STK11: variants seen among roughly 807,000 people sequenced by gnomAD.
STK11 encodes serine/threonine-protein kinase STK11.
A neutral mutation model predicts 47.3 loss-of-function variants in STK11; 8 were observed. The observed-to-expected ratio is 0.17, with a 90% CI of 0.10 to 0.31. The LOEUF (loss-of-function observed/expected upper bound fraction) is 0.31, where lower values mean the gene tolerates loss of function less well. Ranked by LOEUF, STK11 falls within the 10% of genes least tolerant of loss-of-function variation. STK11 has a pLI of 1.00. For missense variants in STK11, 475 were observed against 605.0 expected (o/e 0.79, Z 2.25); for synonymous variants, 330 against 255.8 (o/e 1.29, Z -2.77).
At position 1,206,991 on chromosome 19, in the gene STK11, C is replaced by T. The variant is rs2145404772; in HGVS notation, c.78C>T (p.Ile26=). The change falls in exon 1 of 10, where the codon ATC becomes ATT. Residue 26 remains isoleucine (I), a synonymous_variant. Transcript: ENST00000326873. ...ELMSVGMDTF[I]HRIDSTEVIY... Reference sequence around the variant, plus strand: ...TGTCGGTGGGTATGGACACGTTCATCCACCGCATCGACTCCACCGAGGTCA... The same window carrying T: ...TGTCGGTGGGTATGGACACGTTCATTCACCGCATCGACTCCACCGAGGTCA... 6.2e-7 allele frequency: 1 copy of T among 1,613,164 alleles called. No individual in the cohort carries two copies. The highest frequency in any genetic ancestry group is 8.5e-7 in the Non-Finnish European group (1 of 1,179,680).
rs557674928 is a variant in STK11 at position 1,219,531 on chromosome 19, T to G, written c.464+118T>G. On this transcript the variant is annotated intron_variant, in intron 3 of 9. Transcript: ENST00000326873. The stretch of plus-strand genomic sequence containing the variant: ...ATTCATTGACATGAAGGCCCAAGTT[T>G]TTTTGTTTTTTTGTTTTTTTGTGTT... 9.1e-4 allele frequency: 850 copies of G among 937,804 alleles called. 2 individuals carry two copies. In the African/African-American group the frequency reaches 0.012, roughly 14 times the overall value. 58.1% of individuals were successfully genotyped at this position (937,804 alleles called of 1,614,324 possible).
At position 1,221,228 on chromosome 19, in the gene STK11, G is replaced by A. The variant is rs748112446; in HGVS notation, c.750G>A (p.Thr250=). ...CGAAATGAAGCTACAACATCACCAC[G>A]GGTCTGTACCCCTTCGAAGGGGACA... ...SAGVTLYNIT[T]GLYPFEGDNI... Residue 250 remains threonine (T), a synonymous_variant, in exon 6 of 10, where the codon ACG becomes ACA. Coordinates refer to ENST00000326873, the MANE Select transcript of STK11 (RefSeq NM_000455.5). 7 of 1,612,332 alleles carry A rather than the reference G, an allele frequency of 4.3e-6. No homozygotes were observed. The highest frequency in any genetic ancestry group is 4.5e-5 in the East Asian group (2 of 44,862).
chr19:1,222,141 G>T, intron 7 of STK11, 135 bp downstream of exon 7: 1 of 1,073,032 alleles, frequency 9.3e-7, no homozygotes, highest in Middle Eastern at 2.9e-4. Context: ...TGCAGCGCCC[G>T]CAGTTCTCGG....
intron 1 of STK11, among the ~76,000 whole-genome samples, chr19:1,214,341 T>C (rs1331737704): frequency 6.6e-6 from 1 of 152,210 alleles, no homozygotes; most frequent in Non-Finnish European, 1.5e-5. Context: ...TGGTCCCTTT[T>C]AATTAAACAG....
chr19:1,211,467 G>T (rs955177545), intron 1 of STK11, among the ~76,000 whole-genome samples: 3 of 152,122 alleles, frequency 2.0e-5, no homozygotes, highest in African/African-American at 4.8e-5. Context: ...TTCTGGGGGG[G>T]GGGGTGCAGG....
At chr19:1,224,286 G>T in intron 8 of STK11, 1 of 985,350 alleles carries the variant, frequency 1.0e-6, no homozygotes, top group South Asian at 4.7e-5. Context: ...AGGATCACAG[G>T]GTCTCAGCTC....
In STK11 at chr19:1,228,196, T is replaced by C; in HGVS notation, c.*620T>C. On this transcript the variant is annotated 3_prime_UTR_variant, in exon 10 of 10. Coordinates refer to ENST00000326873, the MANE Select transcript of STK11 (RefSeq NM_000455.5). The stretch of plus-strand genomic sequence containing the variant: ...CTTTGCGCTCTCGGGTCACCCTGCT[T>C]TGGCGGCCCGGCCGGAGGGCAGGAC... 7 of 1,011,272 alleles carry C rather than the reference T, an allele frequency of 6.9e-6. No individual in the cohort carries two copies. The highest frequency in any genetic ancestry group is 8.4e-6 in the Non-Finnish European group (7 of 830,034). 62.6% of individuals were successfully genotyped at this position (1,011,272 alleles called of 1,614,324 possible).
At chr19:1,225,991 G>C in intron 8 of STK11, 1 of 1,007,172 alleles carries the variant, frequency 9.9e-7, no homozygotes, top group Non-Finnish European at 1.2e-6. Flanking sequence ...GCGTGGTTCT[G>C]TGCTGGCATT....
rs770719299 is a variant in STK11 at position 1,220,516 on chromosome 19, G to T, written c.597+11G>T. On this transcript the variant is annotated intron_variant, in intron 4 of 9. Transcript: ENST00000326873. ...CTGGGCGTGGCCGAGGTAGGCACGT[G>T]CTAGGGGGGGCCCTGGGGCGCCCCC... is the stretch of plus-strand genomic sequence containing the variant. The T allele has an allele frequency of 5.6e-6, 9 of 1,595,940 alleles. No homozygotes were observed. In the East Asian group the frequency reaches 2.0e-4, roughly 36 times the overall value.
At chr19:1,219,288 G>A (rs1361175048) in intron 2 of STK11, 36 bp from the exon 3 acceptor site, 4 of 1,555,226 alleles carry the variant, frequency 2.6e-6, no homozygotes, top group South Asian at 2.4e-5. Flanking sequence ...CTGTGAGTGG[G>A]GCCGCCCCCT....
intron 1 of STK11, among the ~76,000 whole-genome samples, chr19:1,214,161 C>T (rs2080730009): frequency 6.6e-6 from 1 of 152,208 alleles, no homozygotes; most frequent in Admixed American, 6.5e-5. Flanking sequence ...TTCGCTGGGC[C>T]TCCTCTTCTG....
intron 1 of STK11, among the ~76,000 whole-genome samples, chr19:1,212,123 A>AGC (rs1448750189): frequency 6.6e-6 from 1 of 152,058 alleles, no homozygotes; most frequent in Non-Finnish European, 1.5e-5. Flanking sequence ...TCCGGTGCCC[A>AGC]GCCAGCTGGG....
chr19:1,218,718 G>A (rs777327060), intron 2 of STK11, among the ~76,000 whole-genome samples: 1 of 152,192 alleles, frequency 6.6e-6, no homozygotes, highest in African/African-American at 2.4e-5. Context: ...TCTTGGGCCC[G>A]TGGGGTGTCA....
In STK11 at chr19:1,224,213, G is replaced by T. The variant is rs917010195; in HGVS notation, c.1108+1041G>T. 4.1e-6 allele frequency: 4 copies of T among 984,748 alleles called. No individual in the cohort carries two copies. The African/African-American group carries it at 7.0e-5, about 17-fold the overall frequency. The allele number at this position is 984,748 out of a possible 1,614,324, so 61.0% of individuals were successfully genotyped here. On this transcript the variant is annotated intron_variant, in intron 8 of 9. Coordinates refer to ENST00000326873, the MANE Select transcript of STK11 (RefSeq NM_000455.5). ...TCCCCGGGGGGTACAGTGTCTGGGG[G>T]CCCCCCAGGAGGATGCAGCATGTGG...
At chr19:1,210,162 A>T (rs1002810548) in intron 1 of STK11, among the ~76,000 whole-genome samples, 4 of 151,910 alleles carry the variant, frequency 2.6e-5, no homozygotes, top group Admixed American at 2.6e-4. Context: ...GGGTCCTCCT[A>T]TTCTGGGAGC....
In STK11 at chr19:1,205,855, G is replaced by T; in HGVS notation, c.-1059G>T. 4.9e-6 allele frequency: 1 copy of T among 204,398 alleles called. No homozygotes were observed. The highest frequency in any genetic ancestry group is 1.0e-5 in the Non-Finnish European group (1 of 99,646). The allele number at this position is 204,398 out of a possible 1,614,324, so 12.7% of individuals were successfully genotyped here. Reference sequence around the variant, plus strand: ...GGGGCGCCCGCGAGTGAGGCGCGGGGCGGCGAAGGGAGCGCGGGTGGCGGC... The same window carrying T: ...GGGGCGCCCGCGAGTGAGGCGCGGGTCGGCGAAGGGAGCGCGGGTGGCGGC... On this transcript the variant is annotated 5_prime_UTR_variant, in exon 1 of 10. Coordinates refer to ENST00000326873, the MANE Select transcript of STK11 (RefSeq NM_000455.5).
At chr19:1,219,631 C>T (rs546298782) in intron 3 of STK11, among the ~76,000 whole-genome samples, 1 of 152,052 alleles carries the variant, frequency 6.6e-6, no homozygotes, top group African/African-American at 2.4e-5. Flanking sequence ...CTGCAAGCTC[C>T]GCCTCCGAGG....
chr19:1,212,452 A>T (rs1329215176), intron 1 of STK11, among the ~76,000 whole-genome samples: 3 of 151,886 alleles, frequency 2.0e-5, no homozygotes, highest in Admixed American at 2.0e-4. Flanking sequence ...GGGTTTCGCC[A>T]TGTTGTCCAG....
Position 1,222,202 on chromosome 19 carries a change from G to A in STK11, c.920+196G>A, listed in dbSNP as rs543989563. On this transcript the variant is annotated intron_variant, in intron 7 of 9. Transcript: ENST00000326873. Reference sequence around the variant, plus strand: ...GTCCTGTTACCGGCCAGACCCAGGCGCCTTGTCCGAACTGGGGTCTGAGTG... The same window carrying A: ...GTCCTGTTACCGGCCAGACCCAGGCACCTTGTCCGAACTGGGGTCTGAGTG... Among the ~76,000 whole-genome samples the A allele has an allele frequency of 1.1e-4, 16 of 152,342 alleles. No homozygotes were observed. In the South Asian group the frequency reaches 3.1e-3, roughly 30 times the overall value.
Sources: allele counts gnomAD v4.1 joint callset (sites outside exome capture counted in the v4.1 genomes callset), GRCh38; gene constraint gnomAD v4.1.1; transcripts MANE v1.5; gene names NCBI Gene and HGNC (gene_info 2026-07-23, HGNC 2026-07-21).